CTNNA2: variants seen among roughly 807,000 people sequenced by gnomAD.
The protein encoded by CTNNA2 is catenin alpha-2.
A neutral mutation model predicts 101.0 loss-of-function variants in CTNNA2; 42 were observed. The observed-to-expected ratio is 0.42, with a 90% CI of 0.32 to 0.54. The LOEUF (loss-of-function observed/expected upper bound fraction) is 0.54. CTNNA2 is among the 20% of genes least tolerant of loss of function. The pLI is 0.14. For synonymous variants in CTNNA2, 450 were observed against 456.4 expected, an observed-to-expected ratio of 0.99 and a Z score of 0.18; for missense variants, 871 against 1,223.1, an observed-to-expected ratio of 0.71 and a Z score of 4.29.
chr2:79,840,363 A>G (rs902419677), intron 3 of CTNNA2, among the ~76,000 whole-genome samples: 4 of 152,238 alleles, frequency 2.6e-5, no homozygotes, highest in Non-Finnish European at 4.4e-5. Context: ...ACTGTAGCTT[A>G]TAAGTTATTA....
At chr2:79,215,772 G>A (rs531832173) in intron 2 of CTNNA2, among the ~76,000 whole-genome samples, 3 of 152,112 alleles carry the variant, frequency 2.0e-5, no homozygotes, top group Admixed American at 1.3e-4. Flanking sequence ...GGTGGGGGAG[G>A]GCTAGTCACA....
At chr2:79,849,717 T>C (rs1287258374) in intron 3 of CTNNA2, among the ~76,000 whole-genome samples, 1 of 152,200 alleles carries the variant, frequency 6.6e-6, no homozygotes, top group African/African-American at 2.4e-5. Context: ...TTAGCAAATG[T>C]TTTGGTTTCC....
chr2:80,035,535 TA>T (rs2104228233), intron 7 of CTNNA2, among the ~76,000 whole-genome samples: 1 of 152,314 alleles, frequency 6.6e-6, no homozygotes, highest in East Asian at 1.9e-4. Flanking sequence ...TTATTTGCTA[TA>T]GTTCACCCAG....
At chr2:80,485,134 C>T (rs1190541210) in intron 9 of CTNNA2, among the ~76,000 whole-genome samples, 1 of 152,110 alleles carries the variant, frequency 6.6e-6, no homozygotes, top group Non-Finnish European at 1.5e-5. Flanking sequence ...TTCCCAAGTC[C>T]TTTAAATCAG....
chr2:79,827,728 T>A (rs905008012), intron 3 of CTNNA2, among the ~76,000 whole-genome samples: 6 of 152,206 alleles, frequency 3.9e-5, no homozygotes, highest in Admixed American at 2.6e-4. Flanking sequence ...TGGTTTTTTT[T>A]AAAAGTCTTA....
chr2:80,078,583 A>G (rs1698914646), intron 7 of CTNNA2, among the ~76,000 whole-genome samples: 1 of 152,230 alleles, frequency 6.6e-6, no homozygotes, highest in African/African-American at 2.4e-5. Context: ...CGCTATGATC[A>G]GAGGCTGGGT....
At position 80,146,514 on chromosome 2, in the gene CTNNA2, G is replaced by A. The variant is rs530884607; in HGVS notation, c.1056+236717G>A. Reference sequence around the variant, plus strand: ...TCTCCATCCATTTTTTTCTCTATCCGTGATGAATTGTCTTGCCTTTGGGGA... The same window carrying A: ...TCTCCATCCATTTTTTTCTCTATCCATGATGAATTGTCTTGCCTTTGGGGA... On this transcript the variant is annotated intron_variant, in intron 7 of 18. Transcript: ENST00000402739. Among the ~76,000 whole-genome samples the A allele has an allele frequency of 4.0e-5, 6 of 151,716 alleles. No individual in the cohort carries two copies. In the South Asian group the frequency reaches 8.3e-4, roughly 21 times the overall value.
intron 4 of CTNNA2, among the ~76,000 whole-genome samples, chr2:79,428,432 C>T (rs1468282792): frequency 6.6e-6 from 1 of 151,998 alleles, no homozygotes. Flanking sequence ...TAAGCTGGAA[C>T]ATCTAGTAGT....
rs539362760 is a variant in CTNNA2 at position 80,089,299 on chromosome 2, A to G, written c.1056+179502A>G. Among the ~76,000 whole-genome samples, 8 of 152,138 alleles carry G rather than the reference A, an allele frequency of 5.3e-5. No homozygotes were observed. In the South Asian group the frequency reaches 1.5e-3, roughly 28 times the overall value. On this transcript the variant is annotated intron_variant, in intron 7 of 18. Coordinates refer to ENST00000402739, the MANE Select transcript of CTNNA2 (RefSeq NM_001282597.3). ...TAGAGCTAGACGCTAAAGACAATCT[A>G]TATTCTCACTTTCATTGAGGGCTTC...
intron 2 of CTNNA2, among the ~76,000 whole-genome samples, chr2:79,696,006 A>C (rs915378073): frequency 1.8e-4 from 27 of 151,928 alleles, no homozygotes; most frequent in African/African-American, 6.5e-4. Context: ...TACCTGCCCC[A>C]GGTCTATCCT....
chr2:80,145,163 A>G (rs948669049), intron 7 of CTNNA2, among the ~76,000 whole-genome samples: 4 of 152,182 alleles, frequency 2.6e-5, no homozygotes, highest in African/African-American at 7.2e-5. Flanking sequence ...TTACTAGCCT[A>G]TGTGCCCTGT....
intron 8 of CTNNA2, among the ~76,000 whole-genome samples, chr2:80,412,469 A>T (rs1234184022): frequency 1.3e-5 from 2 of 152,246 alleles, no homozygotes; most frequent in Non-Finnish European, 2.9e-5. Flanking sequence ...CTGTTATTTC[A>T]GTGCATTTGG....
intron 15 of CTNNA2, among the ~76,000 whole-genome samples, chr2:80,592,939 T>C (rs1696638301): frequency 6.6e-6 from 1 of 152,182 alleles, no homozygotes. Context: ...GGTAATACTT[T>C]TCCTTGACTT....
chr2:79,235,094 A>G (rs949094422), intron 2 of CTNNA2, among the ~76,000 whole-genome samples: 1 of 152,300 alleles, frequency 6.6e-6, no homozygotes, highest in Admixed American at 6.5e-5. Context: ...GTAAGGGGGC[A>G]CGCTGGCTTA....
intron 2 of CTNNA2, among the ~76,000 whole-genome samples, chr2:79,254,643 T>A (rs925999806): frequency 6.6e-6 from 1 of 152,196 alleles, no homozygotes; most frequent in Admixed American, 6.5e-5. Context: ...CTCAGGTATT[T>A]CTTTATAGCA....
rs548372217 is a variant in CTNNA2, at chr2:80,012,059, G to A, written c.1056+102262G>A. Among the ~76,000 whole-genome samples the A allele has an allele frequency of 7.2e-5, 11 of 152,262 alleles. No homozygotes were observed. The South Asian group carries it at 1.7e-3, about 23-fold the overall frequency. ...AGATGTACGTTTACAGGCCTCTGCT[G>A]TTGTAACCACTGCTCTGGATTCCAG... is the stretch of plus-strand genomic sequence containing the variant. On this transcript the variant is annotated intron_variant, in intron 7 of 18. Transcript: ENST00000402739.
At chr2:80,584,089 A>G (rs1321024652) in intron 14 of CTNNA2, among the ~76,000 whole-genome samples, 3 of 152,126 alleles carry the variant, frequency 2.0e-5, no homozygotes, top group African/African-American at 7.2e-5. Flanking sequence ...AAGAGGGTGC[A>G]TTGAATTGCT....
chr2:79,566,731 TA>T (rs974332776), intron 1 of CTNNA2, among the ~76,000 whole-genome samples: 1 of 152,170 alleles, frequency 6.6e-6, no homozygotes, highest in African/African-American at 2.4e-5. Context: ...AGTCCAATTA[TA>T]ATATTATTTT....
chr2:80,436,994 G>A (rs2149435588), intron 9 of CTNNA2, among the ~76,000 whole-genome samples: 1 of 152,298 alleles, frequency 6.6e-6, no homozygotes, highest in Non-Finnish European at 1.5e-5. Flanking sequence ...TTTAGGAAGT[G>A]ACTGGGTAAT....
Sources: allele counts gnomAD v4.1 joint callset (sites outside exome capture counted in the v4.1 genomes callset), GRCh38; gene constraint gnomAD v4.1.1; transcripts MANE v1.5; gene names NCBI Gene and HGNC (gene_info 2026-07-23, HGNC 2026-07-21).